Variants in SLC16A7 observed in about 807,000 individuals in gnomAD.
SLC16A7 encodes solute carrier family 16 member 7.
In SLC16A7, 33 loss-of-function variants were observed where a neutral mutation model predicts 34.9. The observed-to-expected ratio is 0.94, with a 90% confidence interval of 0.72 to 1.26. SLC16A7 has a LOEUF of 1.26. SLC16A7 is among the 50% of genes most tolerant of loss of function. SLC16A7 has a pLI of 0.00. For missense variants in SLC16A7, 573 were observed against 578.1 expected (o/e 0.99, Z 0.09); for synonymous variants, 201 against 206.6 (o/e 0.97, Z 0.23).
chr12:59,711,360 T>C (rs1050253538), intron 3 of SLC16A7, among the ~76,000 whole-genome samples: 2 of 152,224 alleles, frequency 1.3e-5, no homozygotes, highest in Admixed American at 1.3e-4. Context: ...TAGTCACTCA[T>C]GGGGAATTTT....
chr12:59,625,442 A>T (rs1201058439), intron 1 of SLC16A7, among the ~76,000 whole-genome samples: 1 of 151,822 alleles, frequency 6.6e-6, no homozygotes, highest in Non-Finnish European at 1.5e-5. Flanking sequence ...ACAATGGTTA[A>T]AGCTCAAGCT....
chr12:59,761,260 T>G (rs538430698), intron 3 of SLC16A7: 2 of 743,740 alleles, frequency 2.7e-6, no homozygotes, highest in Admixed American at 5.6e-5. Flanking sequence ...TCTTTTTTCA[T>G]CTTCTGTTTT....
At chr12:59,714,256 A>G (rs1028737699) in intron 3 of SLC16A7, among the ~76,000 whole-genome samples, 1 of 152,198 alleles carries the variant, frequency 6.6e-6, no homozygotes, top group Non-Finnish European at 1.5e-5. Flanking sequence ...CCTACTGGAA[A>G]TGATCCTGGG....
intron 1 of SLC16A7, among the ~76,000 whole-genome samples, chr12:59,621,912 C>T (rs1427618865): frequency 1.3e-5 from 2 of 151,700 alleles, no homozygotes; most frequent in Non-Finnish European, 2.9e-5. Flanking sequence ...AGTATTTCCT[C>T]ATATGTTTAT....
chr12:59,645,133 A>G (rs750873117), intron 1 of SLC16A7, among the ~76,000 whole-genome samples: 61 of 152,206 alleles, frequency 4.0e-4, no homozygotes, highest in Non-Finnish European at 5.7e-4. Flanking sequence ...AGGAATAAAT[A>G]GGAGCTTGCT....
intron 3 of SLC16A7, among the ~76,000 whole-genome samples, chr12:59,709,957 C>G (rs1277944288): frequency 1.3e-5 from 2 of 151,606 alleles, no homozygotes; most frequent in Admixed American, 6.6e-5. Context: ...TGGCATGCAT[C>G]TTCCCTTTCT....
chr12:59,645,163 A>C (rs1880853144), intron 1 of SLC16A7, among the ~76,000 whole-genome samples: 2 of 152,174 alleles, frequency 1.3e-5, no homozygotes, highest in African/African-American at 4.8e-5. Context: ...GGTGACTAAG[A>C]GGATTTCTTA....
chr12:59,686,131 C>T (rs1311500475), intron 2 of SLC16A7, among the ~76,000 whole-genome samples: 1 of 144,208 alleles, frequency 6.9e-6, no homozygotes, highest in Non-Finnish European at 1.5e-5. Flanking sequence ...GGGAGGGTCC[C>T]TGTTCTGTCG....
chr12:59,603,045 A>G (rs998642887), intron 1 of SLC16A7, among the ~76,000 whole-genome samples: 1 of 152,080 alleles, frequency 6.6e-6, no homozygotes, highest in African/African-American at 2.4e-5. Flanking sequence ...TATTGATATC[A>G]GCAGTATTCT....
chr12:59,615,510 G>A (rs1416754322), intron 1 of SLC16A7, among the ~76,000 whole-genome samples: 2 of 152,076 alleles, frequency 1.3e-5, no homozygotes, highest in Non-Finnish European at 2.9e-5. Context: ...TTTCTGATAA[G>A]ATTAAAAAGA....
intron 3 of SLC16A7, among the ~76,000 whole-genome samples, chr12:59,751,909 C>T (rs1879627276): frequency 6.6e-6 from 1 of 152,144 alleles, no homozygotes; most frequent in African/African-American, 2.4e-5. Flanking sequence ...TTAGACAAAA[C>T]TTCCAGAGGA....
intron 3 of SLC16A7, among the ~76,000 whole-genome samples, chr12:59,751,314 G>A (rs150701299): frequency 0.014 from 2,205 of 152,350 alleles, 32 homozygotes; most frequent in Admixed American, 0.033. Flanking sequence ...TGCCTCACTC[G>A]GGAAGCGCAA....
At chr12:59,750,671 A>C (rs1879419609) in intron 3 of SLC16A7, among the ~76,000 whole-genome samples, 1 of 152,196 alleles carries the variant, frequency 6.6e-6, no homozygotes, top group African/African-American at 2.4e-5. Flanking sequence ...AAGGATCTAG[A>C]ACTAGAAATA....
intron 3 of SLC16A7, among the ~76,000 whole-genome samples, chr12:59,763,099 A>G (rs1240904723): frequency 2.0e-5 from 3 of 152,102 alleles, no homozygotes; most frequent in Non-Finnish European, 4.4e-5. Flanking sequence ...AGATTCAATC[A>G]AAATAAGATA....
chr12:59,719,081 G>T (rs1875259683), intron 3 of SLC16A7, among the ~76,000 whole-genome samples: 1 of 152,118 alleles, frequency 6.6e-6, no homozygotes, highest in Non-Finnish European at 1.5e-5. Flanking sequence ...CCTTTGCTGT[G>T]AATAGCTGTG....
chr12:59,688,282 C>T (rs1435352763), intron 2 of SLC16A7, among the ~76,000 whole-genome samples: 2 of 151,838 alleles, frequency 1.3e-5, no homozygotes, highest in Non-Finnish European at 2.9e-5. Flanking sequence ...TTAGAACAAG[C>T]AAAATACAAG....
intron 3 of SLC16A7, among the ~76,000 whole-genome samples, chr12:59,767,416 C>T (rs372785732): frequency 9.9e-4 from 150 of 152,026 alleles, no homozygotes; most frequent in African/African-American, 3.5e-3. Flanking sequence ...ATAGCAGAAG[C>T]CAATGCTTGT....
intron 3 of SLC16A7, chr12:59,735,928 A>G: frequency 8.0e-7 from 1 of 1,251,622 alleles, no homozygotes; most frequent in East Asian, 5.8e-5. Flanking sequence ...TGACTTTGAT[A>G]GGAAAAAAGG....
Position 59,596,510 on chromosome 12 carries a change from G to A in SLC16A7, c.-130+274G>A, listed in dbSNP as rs890560800. Among the ~76,000 whole-genome samples the A allele has an allele frequency of 7.4e-5, 6 of 81,466 alleles. No homozygotes were observed. Among genetic ancestry groups the A allele is most frequent in the African/African-American group, 3.1e-4 (5 of 16,028 alleles). 53.4% of individuals were successfully genotyped at this position (81,466 alleles called of 152,430 possible). Reference sequence around the variant, plus strand: ...GAACTGAGGGGGCGCGCGGGGTCCTGGGCAAGGAGCGCCTCGCGTGCTTTC... The same window carrying A: ...GAACTGAGGGGGCGCGCGGGGTCCTAGGCAAGGAGCGCCTCGCGTGCTTTC... On this transcript the variant is annotated intron_variant, in intron 1 of 5. Transcript: ENST00000547379. The surrounding 1 kb of genome is among the most constrained non-coding windows in gnomAD (Gnocchi z 5.0).
Sources: allele counts gnomAD v4.1 joint callset (sites outside exome capture counted in the v4.1 genomes callset), GRCh38; gene constraint gnomAD v4.1.1; non-coding constraint Gnocchi (gnomAD v3.1); transcripts MANE v1.5; gene names NCBI Gene and HGNC (gene_info 2026-07-23, HGNC 2026-07-21).